Variants in LRP2BP observed in about 807,000 individuals in gnomAD.
LRP2BP encodes LRP2-binding protein.
In LRP2BP, 38 loss-of-function variants were observed where a neutral mutation model predicts 45.2. That is an observed-to-expected ratio of 0.84 (90% CI 0.65 to 1.10). The LOEUF is 1.10. Ranked by LOEUF, LRP2BP falls within the 50% of genes least tolerant of loss-of-function variation. The pLI is 0.00. For synonymous variants in LRP2BP, 153 were observed against 153.9 expected, an observed-to-expected ratio of 0.99 and a Z score of 0.04; for missense variants, 385 against 418.9, an observed-to-expected ratio of 0.92 and a Z score of 0.71.
chr4:185,385,099 T>C (rs1479156569), intron 1 of LRP2BP, among the ~76,000 whole-genome samples: 2 of 152,174 alleles, frequency 1.3e-5, no homozygotes, highest in Admixed American at 1.3e-4. Context: ...CCAGTAGCTT[T>C]TGATTTTATT....
chr4:185,368,004 T>C lies in LRP2BP; in HGVS notation c.979-759A>G, dbSNP rs1335525348. Among the ~76,000 whole-genome samples, 6 of 151,916 alleles carry C rather than the reference T, an allele frequency of 3.9e-5. No homozygotes were observed. The East Asian group carries it at 7.7e-4, about 20-fold the overall frequency. On this transcript the variant is annotated intron_variant, in intron 8 of 8. Transcript: ENST00000505916. The stretch of plus-strand genomic sequence containing the variant: ...ACCATCCCGGCTAACACAGTGAAAC[T>C]CCGTCTCTACTAAAAATACAAAAAT...
chr4:185,370,305 T>C (rs1203376045), intron 8 of LRP2BP: 2 of 229,544 alleles, frequency 8.7e-6, no homozygotes, highest in Non-Finnish European at 1.8e-5. Flanking sequence ...ATTACTGTAC[T>C]AGAATGAACG....
rs932340088 is a variant in LRP2BP, at chr4:185,365,933, G to T, written c.*1247C>A. The T allele has an allele frequency of 3.3e-5, 5 of 152,056 alleles. No individual in the cohort carries two copies. The highest frequency in any genetic ancestry group is 1.2e-4 in the African/African-American group (5 of 41,422). 9.4% of individuals were successfully genotyped at this position (152,056 alleles called of 1,614,324 possible). ...ATACAGACAAGCCAGAACATAAAACGAGAGCAAATACTTTTCTGCCATTCA... is the reference window on the plus strand; with the variant it reads ...ATACAGACAAGCCAGAACATAAAACTAGAGCAAATACTTTTCTGCCATTCA... On this transcript the variant is annotated 3_prime_UTR_variant, in exon 9 of 9. Coordinates refer to ENST00000505916, the MANE Select transcript of LRP2BP (RefSeq NM_001377440.1).
At chr4:185,375,857 C>T (rs955587562) in intron 3 of LRP2BP, 131 bp from the exon 4 acceptor site, 8 of 501,132 alleles carry the variant, frequency 1.6e-5, no homozygotes, top group Non-Finnish European at 2.9e-5. Context: ...TATCTGAACC[C>T]ATGCCCCACG....
chr4:185,375,318 G>A (rs1361822624), intron 4 of LRP2BP, among the ~76,000 whole-genome samples: 7 of 148,664 alleles, frequency 4.7e-5, no homozygotes, highest in Admixed American at 6.7e-5. Flanking sequence ...TTAGCCAGGC[G>A]TGGTGGCAGT....
In LRP2BP at chr4:185,370,795, C is replaced by T. The variant is rs201180140; in HGVS notation, c.823G>A (p.Val275Ile). 3 of 1,613,968 alleles carry T rather than the reference C, an allele frequency of 1.9e-6. No individual in the cohort carries two copies. The highest frequency in any genetic ancestry group is 1.7e-5 in the Admixed American group (1 of 59,996). ...TGGGCGATCATGGGGATGTCGTGAA[C>T]CTCATCATAGTCAGCGATCCTGAGA... ...FSKRIADYDE[V>I]HDIPMIAQVT... The change falls in exon 8 of 9, where the codon GTT becomes ATT. Residue 275 changes from valine (V) to isoleucine (I), a missense_variant. Val to Ile is a conservative substitution (Grantham distance 29). Transcript: ENST00000505916.
chr4:185,382,014 G>A (rs1052261572), intron 1 of LRP2BP, among the ~76,000 whole-genome samples: 6 of 152,034 alleles, frequency 3.9e-5, no homozygotes, highest in African/African-American at 1.4e-4. Context: ...CTGTAGCATC[G>A]GCAGCCACTC....
At position 185,387,181 on chromosome 4, in the gene LRP2BP, C is replaced by T. The variant is rs990046476; in HGVS notation, c.-22+7598G>A. On this transcript the variant is annotated intron_variant, in intron 1 of 8. Coordinates refer to ENST00000505916, the MANE Select transcript of LRP2BP (RefSeq NM_001377440.1). ...ACGAGGGGCAGAGACTGCAGTGAGC[C>T]GAGATTGCGCCCCCGCACTGCAGCC... Among the ~76,000 whole-genome samples the T allele has an allele frequency of 6.2e-5, 9 of 144,456 alleles. 1 individual carries two copies. The East Asian group carries it at 1.2e-3, about 19-fold the overall frequency. 94.8% of individuals were successfully genotyped at this position (144,456 alleles called of 152,430 possible).
chr4:185,393,903 A>G (rs1320561636), intron 1 of LRP2BP, among the ~76,000 whole-genome samples: 1 of 152,188 alleles, frequency 6.6e-6, no homozygotes, highest in East Asian at 1.9e-4. Context: ...ACAAGGCTAC[A>G]CTGACAGTCA....
chr4:185,385,125 A>G (rs1454388208), intron 1 of LRP2BP, among the ~76,000 whole-genome samples: 2 of 152,100 alleles, frequency 1.3e-5, no homozygotes, highest in African/African-American at 2.4e-5. Flanking sequence ...CTGATTTACC[A>G]TGTATTCTGT....
At chr4:185,394,540 T>G (rs2126858010) in intron 1 of LRP2BP, among the ~76,000 whole-genome samples, 1 of 152,322 alleles carries the variant, frequency 6.6e-6, no homozygotes, top group Admixed American at 6.5e-5. Flanking sequence ...CAATTTGTAA[T>G]ATAATAAACT....
rs3841656 is a variant in LRP2BP, at chr4:185,365,018, A to ATGTGTG, written c.*2156_*2161dup. 6.7e-5 allele frequency: 10 copies of ATGTGTG among 148,978 alleles called. No individual in the cohort carries two copies. Among genetic ancestry groups the ATGTGTG allele is most frequent in the Admixed American group, 2.0e-4 (3 of 14,936 alleles). 9.2% of individuals were successfully genotyped at this position (148,978 alleles called of 1,614,324 possible). A position where few individuals can be genotyped will look rare whatever the true frequency, so the allele number is the denominator to read the frequency against. ...TTAGAGAAGGAGTGTGTGTGTGTGT[A>ATGTGTG]TGTGTGTGTGTGTGTGTGTGTGTAA... On this transcript the variant is annotated 3_prime_UTR_variant, in exon 9 of 9. Coordinates refer to ENST00000505916, the MANE Select transcript of LRP2BP (RefSeq NM_001377440.1).
intron 1 of LRP2BP, among the ~76,000 whole-genome samples, chr4:185,392,178 A>AAT (rs1184103053): frequency 1.3e-5 from 2 of 152,220 alleles, no homozygotes; most frequent in East Asian, 3.8e-4. Context: ...CATTGAAAGG[A>AAT]ATATATAACC....
chr4:185,382,561 G>A (rs1218808794), intron 1 of LRP2BP, among the ~76,000 whole-genome samples: 1 of 152,206 alleles, frequency 6.6e-6, no homozygotes, highest in Non-Finnish European at 1.5e-5. Context: ...TGGATGTGAA[G>A]CGCTATCTCA....
At chr4:185,389,178 CTTTT>C in intron 1 of LRP2BP, among the ~76,000 whole-genome samples, 1 of 151,552 alleles carries the variant, frequency 6.6e-6, no homozygotes. Context: ...TACACCTGGC[CTTTT>C]TTAATTTTTA....
chr4:185,386,086 A>G (rs561315145), intron 1 of LRP2BP, among the ~76,000 whole-genome samples: 1 of 152,364 alleles, frequency 6.6e-6, no homozygotes, highest in South Asian at 2.1e-4. Flanking sequence ...AATGAAAAAC[A>G]AAACAAAGAG....
intron 1 of LRP2BP, chr4:185,378,424 C>T (rs920768139): frequency 3.7e-5 from 50 of 1,337,198 alleles, no homozygotes; most frequent in Non-Finnish European, 4.8e-5. Flanking sequence ...TGTCATTTTC[C>T]ACAGCATCGC....
Position 185,375,684 on chromosome 4 carries a change from C to G in LRP2BP, c.259G>C (p.Glu87Gln), listed in dbSNP as rs886384021. ...EALEQFEEIK[E>Q]KDHQATYQLG... ...TGGTAAGTTGCTTGATGGTCTTTCT[C>G]CTTGATTTCTTCAAACTGTTCTAAT... The change falls in exon 4 of 9, where the codon GAG (glutamate) becomes CAG (glutamine). Residue 87 changes from glutamate to glutamine, a missense_variant. Coordinates refer to ENST00000505916, the MANE Select transcript of LRP2BP (RefSeq NM_001377440.1). 1.6e-5 allele frequency: 25 copies of G among 1,611,816 alleles called. No homozygotes were observed. The African/African-American group carries it at 3.0e-4, about 19-fold the overall frequency.
chr4:185,378,542 C>T, intron 1 of LRP2BP: 1 of 1,038,406 alleles, frequency 9.6e-7, no homozygotes, highest in Non-Finnish European at 1.2e-6. Context: ...CCTGGTGACA[C>T]TGCCCACAGT....
Sources: allele counts gnomAD v4.1 joint callset (sites outside exome capture counted in the v4.1 genomes callset), GRCh38; gene constraint gnomAD v4.1.1; transcripts MANE v1.5; gene names NCBI Gene and HGNC (gene_info 2026-07-23, HGNC 2026-07-21).